VPS13A: variants seen among roughly 807,000 people sequenced by gnomAD.
The protein encoded by VPS13A is vacuolar protein sorting 13 homolog A, also known as intermembrane lipid transfer protein VPS13A.
A neutral mutation model predicts 390.9 loss-of-function variants in VPS13A; 264 were observed. The ratio of observed to expected loss-of-function variants is 0.68; its 90% CI spans 0.61 to 0.75. The LOEUF (loss-of-function observed/expected upper bound fraction) is 0.75. Among genes scored for constraint, VPS13A ranks in the 30% least tolerant of loss-of-function variants. The pLI, the probability that VPS13A is intolerant of heterozygous loss-of-function variation, is 0.00. For missense variants in VPS13A, 3,409 were observed against 3,733.9 expected (o/e 0.91, Z 2.27); for synonymous variants, 1,231 against 1,227.1 (o/e 1.00, Z -0.07).
intron 5 of VPS13A, among the ~76,000 whole-genome samples, chr9:77,208,109 A>G (rs554435653): frequency 4.3e-4 from 66 of 152,238 alleles, no homozygotes; most frequent in Non-Finnish European, 8.1e-4. Context: ...GAAAGACAAC[A>G]TTTAATCGAA....
intron 68 of VPS13A, among the ~76,000 whole-genome samples, chr9:77,399,304 A>AT (rs2131641239): frequency 6.6e-6 from 1 of 151,788 alleles, no homozygotes; most frequent in South Asian, 2.1e-4. Context: ...GATGGAAAGC[A>AT]TTATATGAAT....
intron 33 of VPS13A, among the ~76,000 whole-genome samples, chr9:77,299,839 C>G (rs909858266): frequency 2.6e-5 from 4 of 152,040 alleles, no homozygotes; most frequent in Admixed American, 6.6e-5. Flanking sequence ...AAACCAAATA[C>G]CACCACATGT....
In VPS13A at chr9:77,339,606, T is replaced by C; in HGVS notation, c.6469T>C (p.Leu2157=). 6.2e-7 allele frequency: 1 copy of C among 1,611,902 alleles called. No homozygotes were observed. The highest frequency in any genetic ancestry group is 8.5e-7 in the Non-Finnish European group (1 of 1,178,760). ...GGGTAAAGCCAGGCTACATTTAAAATTACTTGACTATCTCAATCACGATTG... is the reference window on the plus strand; with the variant it reads ...GGGTAAAGCCAGGCTACATTTAAAACTACTTGACTATCTCAATCACGATTG... ...QLGKARLHLK[L]LDYLNHDWKS... is the part of the protein sequence containing the mutation. Residue 2157 remains leucine (L), a synonymous_variant, in exon 48 of 72, where the codon TTA becomes CTA. Coordinates refer to ENST00000360280, the MANE Select transcript of VPS13A (RefSeq NM_033305.3).
intron 57 of VPS13A, among the ~76,000 whole-genome samples, chr9:77,358,909 C>G (rs1200765934): frequency 6.6e-6 from 1 of 152,122 alleles, no homozygotes; most frequent in African/African-American, 2.4e-5. Context: ...CCCTACTTAA[C>G]TTTCTTCTCC....
chr9:77,355,702 A>G (rs1197575574), intron 54 of VPS13A, among the ~76,000 whole-genome samples: 1 of 152,210 alleles, frequency 6.6e-6, no homozygotes, highest in African/African-American at 2.4e-5. Flanking sequence ...AGTTAATAAA[A>G]AATAGCTCCT....
At chr9:77,379,102 C>G (rs1331921036) in intron 67 of VPS13A, among the ~76,000 whole-genome samples, 2 of 106,814 alleles carry the variant, frequency 1.9e-5, no homozygotes, top group Non-Finnish European at 3.4e-5. Flanking sequence ...GAGATAGAGT[C>G]TCACTCTTGT....
intron 68 of VPS13A, among the ~76,000 whole-genome samples, chr9:77,393,157 A>G (rs1587712440): frequency 6.6e-6 from 1 of 152,218 alleles, no homozygotes; most frequent in East Asian, 1.9e-4. Flanking sequence ...TTCCCCGATA[A>G]TAGATTCCAT....
rs2131602165 is a variant in VPS13A at position 77,376,963 on chromosome 9, G to GGTCAGTTT, written c.9078-5008_9078-5001dup. On this transcript the variant is annotated intron_variant, in intron 67 of 71. Coordinates refer to ENST00000360280, the MANE Select transcript of VPS13A (RefSeq NM_033305.3). ...CATTAAGTTACCTAAAAAATTTTAG[G>GGTCAGTTT]GTCAGTTTGTCAATTTCTACAAAAA... is the stretch of plus-strand genomic sequence containing the variant. Among the ~76,000 whole-genome samples, 3 of 152,176 alleles carry GGTCAGTTT rather than the reference G, an allele frequency of 2.0e-5. No homozygotes were observed. The South Asian group carries it at 6.2e-4, about 32-fold the overall frequency.
chr9:77,380,862 T>G (rs1352622540), intron 67 of VPS13A, among the ~76,000 whole-genome samples: 1 of 152,180 alleles, frequency 6.6e-6, no homozygotes, highest in Non-Finnish European at 1.5e-5. Context: ...GGGTTCGCCT[T>G]CTTATGAGAA....
chr9:77,247,203 G>T (rs1056251120), intron 19 of VPS13A, 56 bp from the exon 20 acceptor site: 46 of 1,399,532 alleles, frequency 3.3e-5, no homozygotes, highest in Non-Finnish European at 4.1e-5. Context: ...TAGTGATTCT[G>T]TATTTCTCGA....
chr9:77,359,221 A>T, intron 57 of VPS13A, 112 bp from the exon 58 acceptor site: 1 of 886,380 alleles, frequency 1.1e-6, no homozygotes, highest in Non-Finnish European at 1.8e-6. Context: ...ATTTTAACTG[A>T]TATTTATTAT....
intron 46 of VPS13A, 80 bp downstream of exon 46, chr9:77,332,193 A>G (rs1230640267): frequency 9.1e-7 from 1 of 1,095,274 alleles, no homozygotes; most frequent in Admixed American, 1.7e-5. Context: ...GATAACTTTG[A>G]TCAAATCCAT....
At chr9:77,254,677 T>C (rs1825340754) in intron 22 of VPS13A, among the ~76,000 whole-genome samples, 1 of 152,208 alleles carries the variant, frequency 6.6e-6, no homozygotes, top group South Asian at 2.1e-4. Context: ...AATATCTTTC[T>C]ATTTATTTGT....
chr9:77,389,128 T>A (rs1587707539), intron 68 of VPS13A, among the ~76,000 whole-genome samples: 1 of 152,180 alleles, frequency 6.6e-6, no homozygotes, highest in South Asian at 2.1e-4. Context: ...ATTTCCTTTT[T>A]AAATTTTTTA....
intron 70 of VPS13A, 67 bp from the exon 71 acceptor site, chr9:77,407,466 T>C: frequency 1.5e-6 from 2 of 1,317,092 alleles, no homozygotes; most frequent in Non-Finnish European, 2.2e-6. Flanking sequence ...TAAAGCTTTG[T>C]GGCATTTCTT....
At chr9:77,390,240 C>A in intron 68 of VPS13A, 3 of 498,580 alleles carry the variant, frequency 6.0e-6, no homozygotes, top group Non-Finnish European at 7.8e-6. Context: ...GGGATGAGAA[C>A]ACTGAAGAGA....
rs570968826 is a variant in VPS13A, at chr9:77,279,896, C to T, written c.2825-263C>T. The T allele has an allele frequency of 7.2e-5, 17 of 235,716 alleles. No homozygotes were observed. In the East Asian group the frequency reaches 1.6e-3, roughly 23 times the overall value. The allele number at this position is 235,716 out of a possible 1,614,324, so 14.6% of individuals were successfully genotyped here. On this transcript the variant is annotated intron_variant, in intron 26 of 71. Coordinates refer to ENST00000360280, the MANE Select transcript of VPS13A (RefSeq NM_033305.3). Reference sequence around the variant, plus strand: ...TCTCTTTAGTTGATTCCTGTTTTTTCTTACCTTACCTCCTATCTAGGTTTA... The same window carrying T: ...TCTCTTTAGTTGATTCCTGTTTTTTTTTACCTTACCTCCTATCTAGGTTTA...
chr9:77,244,118 G>A (rs1045575200), intron 19 of VPS13A, among the ~76,000 whole-genome samples: 2 of 152,028 alleles, frequency 1.3e-5, no homozygotes, highest in African/African-American at 2.4e-5. Flanking sequence ...TGTACCTATC[G>A]TCCCAGCTAC....
chr9:77,184,551 G>A (rs1045994684), intron 1 of VPS13A, among the ~76,000 whole-genome samples: 12 of 152,160 alleles, frequency 7.9e-5, no homozygotes, highest in African/African-American at 9.7e-5. Flanking sequence ...CATGGGAGGC[G>A]GAGGTTGCAG....
Sources: gnomAD v4.1 joint callset for allele counts (sites outside exome capture counted in the v4.1 genomes callset) on GRCh38, gnomAD v4.1.1 for gene constraint, MANE v1.5 for transcripts, NCBI Gene and HGNC (gene_info 2026-07-23, HGNC 2026-07-21) for gene names.